Variants in SPEN observed in about 807,000 individuals in gnomAD.
SPEN encodes the protein spen family transcriptional repressor.
A neutral mutation model predicts 269.9 loss-of-function variants in SPEN; 18 were observed. That is an observed-to-expected ratio of 0.07 (90% confidence interval 0.05 to 0.10). The LOEUF is 0.10. Among genes scored for constraint, SPEN ranks in the 10% least tolerant of loss-of-function variants. The pLI is 1.00. For synonymous variants in SPEN, 1,726 were observed against 1,765.7 expected, an observed-to-expected ratio of 0.98 and a Z score of 0.56; for missense variants, 3,822 against 4,631.2, an observed-to-expected ratio of 0.83 and a Z score of 5.07.
chr1:15,887,249 T>G (rs2070744164), intron 3 of SPEN, among the ~76,000 whole-genome samples: 1 of 150,176 alleles, frequency 6.7e-6, no homozygotes, highest in East Asian at 1.9e-4. Context: ...GTGCTGGGAT[T>G]ACAGGTGTGA....
At position 15,915,086 on chromosome 1, in the gene SPEN, A is replaced by G. The variant is rs115553714; in HGVS notation, c.1244-1042A>G. ...TATTTTCAGCTGAGTTTTTATGTCT[A>G]TTTCAGAGTATAGTTTTATACGCCA... On this transcript the variant is annotated intron_variant, in intron 5 of 14. Transcript: ENST00000375759. 9.2e-3 allele frequency among the ~76,000 whole-genome samples: 1,394 copies of G among 152,318 alleles called. 25 individuals are homozygous for G. Among genetic ancestry groups the G allele is most frequent in the African/African-American group, 0.032 (1,332 of 41,574 alleles).
chr1:15,872,599 CAAAA>C (rs78554897), intron 1 of SPEN, among the ~76,000 whole-genome samples: 9 of 92,542 alleles, frequency 9.7e-5, no homozygotes, highest in Admixed American at 2.1e-4. Context: ...GACTCCATCT[CAAAA>C]AAAAAAAAAA....
intron 3 of SPEN, among the ~76,000 whole-genome samples, chr1:15,901,705 G>C (rs2070902765): frequency 6.7e-6 from 1 of 149,380 alleles, no homozygotes; most frequent in South Asian, 2.1e-4. Flanking sequence ...GATTACATCA[G>C]AAGTGGTGGA....
chr1:15,909,303 GT>G lies in SPEN; in HGVS notation c.882-16del, dbSNP rs780331875. The G allele has an allele frequency of 3.7e-5, 59 of 1,593,952 alleles. No homozygotes were observed. Among genetic ancestry groups the G allele is most frequent in the Non-Finnish European group, 4.9e-5 (57 of 1,172,390 alleles). ...GTTTGTCTTTTCACTAAAGTTTGTT[GT>G]TGTTGCCTTTTTGCAGCAGTGATTC... On this transcript the variant is annotated splice_polypyrimidine_tract_variant and intron_variant, in intron 3 of 14. Coordinates refer to ENST00000375759, the MANE Select transcript of SPEN (RefSeq NM_015001.3).
In SPEN at chr1:15,848,172, G is replaced by A; in HGVS notation, c.83+22G>A. ...AACGGTGAGTGACACGAGGCCCGCG[G>A]CCGCGCTCGCTCCTCGGGCGCCGCT... is the stretch of plus-strand genomic sequence containing the variant. On this transcript the variant is annotated intron_variant, in intron 1 of 14. Coordinates refer to ENST00000375759, the MANE Select transcript of SPEN (RefSeq NM_015001.3). This position sits in a 1 kb window ranked among gnomAD's most constrained non-coding sequence, Gnocchi z 5.1. 1.4e-6 allele frequency: 2 copies of A among 1,432,344 alleles called. No individual in the cohort carries two copies. The highest frequency in any genetic ancestry group is 1.9e-6 in the Non-Finnish European group (2 of 1,074,772). The allele number at this position is 1,432,344 out of a possible 1,614,324, so 88.7% of individuals were successfully genotyped here.
intron 3 of SPEN, among the ~76,000 whole-genome samples, chr1:15,902,710 GACCAGTGGGC>G: frequency 6.6e-6 from 1 of 152,148 alleles, no homozygotes; most frequent in South Asian, 2.1e-4. Flanking sequence ...ATTAGATAAG[GACCAGTGGGC>G]ACCCAAACCT....
chr1:15,896,942 T>A (rs1454036888), intron 3 of SPEN, among the ~76,000 whole-genome samples: 1 of 152,168 alleles, frequency 6.6e-6, no homozygotes, highest in East Asian at 1.9e-4. Flanking sequence ...CACTCCAGCC[T>A]GGATGACAGA....
intron 1 of SPEN, among the ~76,000 whole-genome samples, chr1:15,855,700 A>G (rs1569964047): frequency 6.6e-6 from 1 of 151,844 alleles, no homozygotes; most frequent in African/African-American, 2.4e-5. Flanking sequence ...TATCTCTACT[A>G]AAAATACAAA....
chr1:15,887,720 T>TAAA (rs572826937), intron 3 of SPEN, among the ~76,000 whole-genome samples: 1 of 139,238 alleles, frequency 7.2e-6, no homozygotes, highest in African/African-American at 2.6e-5. Flanking sequence ...CCTCATCTCT[T>TAAA]AAAAAAAAAA....
At chr1:15,895,288 A>C (rs1570017970) in intron 3 of SPEN, among the ~76,000 whole-genome samples, 1 of 152,248 alleles carries the variant, frequency 6.6e-6, no homozygotes, top group African/African-American at 2.4e-5. Context: ...TGTGACCATC[A>C]CCACTATCCA....
intron 1 of SPEN, among the ~76,000 whole-genome samples, chr1:15,856,294 G>A (rs1241425283): frequency 6.6e-6 from 1 of 151,814 alleles, no homozygotes; most frequent in Non-Finnish European, 1.5e-5. Flanking sequence ...CCGGCCAGAT[G>A]TTAGAATCTT....
Position 15,933,448 on chromosome 1 carries a change from G to C in SPEN, c.7208G>C (p.Ser2403Thr), listed in dbSNP as rs1438082317. ...CCTCAGTCATGTACTTCTGACCTAA[G>C]CAAGATTCCCTCCACAGAGAATTCG... ...TPPQSCTSDL[S>T]KIPSTENSSQ... is the part of the protein sequence containing the mutation. The change falls in exon 11 of 15, where the codon AGC becomes ACC. Residue 2403 changes from serine to threonine, a missense_variant. Coordinates refer to ENST00000375759, the MANE Select transcript of SPEN (RefSeq NM_015001.3). This position sits in a 1 kb window ranked among gnomAD's most constrained non-coding sequence, Gnocchi z 5.7. The C allele has an allele frequency of 6.2e-7, 1 of 1,614,132 alleles. No homozygotes were observed. Among genetic ancestry groups the C allele is most frequent in the Admixed American group, 1.7e-5 (1 of 60,012 alleles).
At chr1:15,893,881 A>G (rs2070813684) in intron 3 of SPEN, among the ~76,000 whole-genome samples, 1 of 152,194 alleles carries the variant, frequency 6.6e-6, no homozygotes, top group South Asian at 2.1e-4. Context: ...TCTACTAAAA[A>G]TACAAAAATT....
rs750192197 is a variant in SPEN, at chr1:15,934,818, T to G, written c.8578T>G (p.Ser2860Ala). The change falls in exon 11 of 15, where the codon TCT (serine) becomes GCT (alanine). Residue 2860 changes from serine (S) to alanine (A), a missense_variant. By Grantham distance (99) the Ser-to-Ala change is moderately conservative. Around this residue, in one of 16 missense-constraint regions of SPEN, gnomAD observed 329 missense variants for 431.2 expected, o/e 0.76. Transcript: ENST00000375759. The surrounding 1 kb of genome is among the most constrained non-coding windows in gnomAD (Gnocchi z 9.2). ...GTCCAAGTCCCAGGTCAAACCTGATTCTGTCACAGCATCGCAGCCTCCATC... is the reference window on the plus strand; with the variant it reads ...GTCCAAGTCCCAGGTCAAACCTGATGCTGTCACAGCATCGCAGCCTCCATC... ...SVSKSQVKPD[S>A]VTASQPPSKG... The G allele has an allele frequency of 3.1e-6, 5 of 1,614,054 alleles. No homozygotes were observed. The African/African-American group carries it at 6.7e-5, about 22-fold the overall frequency.
intron 3 of SPEN, among the ~76,000 whole-genome samples, chr1:15,894,829 G>A (rs1349683196): frequency 5.3e-5 from 8 of 151,620 alleles, no homozygotes; most frequent in South Asian, 2.1e-4. Flanking sequence ...CACCGCGCCC[G>A]GCCCATATTG....
At chr1:15,902,874 C>T (rs1370547275) in intron 3 of SPEN, among the ~76,000 whole-genome samples, 1 of 152,040 alleles carries the variant, frequency 6.6e-6, no homozygotes, top group Non-Finnish European at 1.5e-5. Flanking sequence ...TCTAATTGCC[C>T]TAATCGCTCC....
intron 1 of SPEN, among the ~76,000 whole-genome samples, chr1:15,857,283 T>G (rs1253626863): frequency 6.6e-6 from 1 of 152,186 alleles, no homozygotes; most frequent in Non-Finnish European, 1.5e-5. Flanking sequence ...CAGGCTGGTC[T>G]CGAACTCCTG....
chr1:15,864,192 A>G (rs1557735864), intron 1 of SPEN, among the ~76,000 whole-genome samples: 1 of 149,760 alleles, frequency 6.7e-6, no homozygotes, highest in East Asian at 2.0e-4. Flanking sequence ...TTTTTGAAAC[A>G]ATGTCTCACT....
In SPEN at chr1:15,912,115, G is replaced by A. The variant is rs905442767; in HGVS notation, c.1243+814G>A. ...ACAGAGTAACAGGAATAAGCCTTAT[G>A]GGTGCAACCCACTGAGAATTTCCAG... On this transcript the variant is annotated intron_variant, in intron 5 of 14. Coordinates refer to ENST00000375759, the MANE Select transcript of SPEN (RefSeq NM_015001.3). Among the ~76,000 whole-genome samples, 4 of 152,312 alleles carry A rather than the reference G, an allele frequency of 2.6e-5. No individual in the cohort carries two copies. In the South Asian group the frequency reaches 6.2e-4, roughly 24 times the overall value.
Sources: allele counts gnomAD v4.1 joint callset (sites outside exome capture counted in the v4.1 genomes callset), GRCh38; gene constraint gnomAD v4.1.1; regional missense constraint gnomAD v4.1.1; non-coding constraint Gnocchi (gnomAD v3.1); transcripts MANE v1.5; gene names NCBI Gene and HGNC (gene_info 2026-07-23, HGNC 2026-07-21).